The following DOK6 variants were observed in gnomAD, a reference collection of about 807,000 sequenced individuals.
DOK6 encodes docking protein 6, also known as downstream of tyrosine kinase 6.
A neutral mutation model predicts 44.0 loss-of-function variants in DOK6; 22 were observed. The observed-to-expected ratio is 0.50, with a 90% CI of 0.36 to 0.71. The LOEUF (loss-of-function observed/expected upper bound fraction) is 0.71. Ranked by LOEUF, DOK6 falls within the 30% of genes least tolerant of loss-of-function variation. The pLI, the probability that DOK6 is intolerant of heterozygous loss-of-function variation, is 0.00. For synonymous variants in DOK6, 166 were observed against 145.5 expected (o/e 1.14, Z -1.01); for missense variants, 340 against 416.4 (o/e 0.82, Z 1.60).
intron 5 of DOK6, among the ~76,000 whole-genome samples, chr18:69,704,052 G>A (rs930869762): frequency 6.6e-6 from 1 of 152,150 alleles, no homozygotes; most frequent in African/African-American, 2.4e-5. Flanking sequence ...CTGGCACCCT[G>A]ATCTCAGACT....
rs1039176643 is a variant in DOK6, at chr18:69,506,934, T to A, written c.67-57553T>A. 1.4e-4 allele frequency among the ~76,000 whole-genome samples: 21 copies of A among 152,064 alleles called. 1 individual carries two copies. Among genetic ancestry groups the A allele is most frequent in the Non-Finnish European group, 2.6e-4 (18 of 67,998 alleles). ...ACACACACATATGTATATTTAAATA[T>A]ATATATTTTTGGATTATATTGTATT... On this transcript the variant is annotated intron_variant, in intron 1 of 7. Coordinates refer to ENST00000382713, the MANE Select transcript of DOK6 (RefSeq NM_152721.6).
At chr18:69,750,816 G>A (rs1011332753) in intron 6 of DOK6, among the ~76,000 whole-genome samples, 1 of 152,140 alleles carries the variant, frequency 6.6e-6, no homozygotes, top group Non-Finnish European at 1.5e-5. Flanking sequence ...TAAGTTTATG[G>A]AATCAGCATA....
intron 3 of DOK6, chr18:69,661,619 G>T (rs1985529992): frequency 6.6e-6 from 1 of 152,202 alleles, no homozygotes. Flanking sequence ...TGTCGGGATA[G>T]CAGCTCTAAA....
chr18:69,429,646 T>TCC (rs1978747210), intron 1 of DOK6, among the ~76,000 whole-genome samples: 3 of 112,884 alleles, frequency 2.7e-5, no homozygotes, highest in African/African-American at 1.0e-4. Flanking sequence ...TATATATATA[T>TCC]ATATATATAT....
intron 7 of DOK6, among the ~76,000 whole-genome samples, chr18:69,833,624 A>G (rs997840501): frequency 1.3e-5 from 2 of 152,134 alleles, no homozygotes; most frequent in African/African-American, 4.8e-5. Flanking sequence ...AAATGAGACG[A>G]CCTAAAGAAT....
chr18:69,848,019 T>TCACACACACACACACA lies in DOK6; in HGVS notation c.*6665_*6680dup, dbSNP rs59389862. 1 of 143,620 alleles carries TCACACACACACACACA rather than the reference T, an allele frequency of 7.0e-6. No homozygotes were observed. The highest frequency in any genetic ancestry group is 2.6e-5 in the African/African-American group (1 of 38,178). The allele number at this position is 143,620 out of a possible 1,614,324, so 8.9% of individuals were successfully genotyped here. A position where few individuals can be genotyped will look rare whatever the true frequency, so the allele number is the denominator to read the frequency against. ...CCTCCACCCCAACCTTAGTGCATGCTCACACACACACACACACACACACAC... is the reference window on the plus strand; with the variant it reads ...CCTCCACCCCAACCTTAGTGCATGCTCACACACACACACACACACACACACACACACACACACACAC... On this transcript the variant is annotated 3_prime_UTR_variant, in exon 8 of 8. Transcript: ENST00000382713.
chr18:69,464,613 A>T (rs906169647), intron 1 of DOK6, among the ~76,000 whole-genome samples: 1 of 152,370 alleles, frequency 6.6e-6, no homozygotes, highest in East Asian at 1.9e-4. Flanking sequence ...AATAATCTAT[A>T]AAATATTGTG....
intron 7 of DOK6, among the ~76,000 whole-genome samples, chr18:69,818,727 G>A (rs2145121969): frequency 6.6e-6 from 1 of 152,310 alleles, no homozygotes; most frequent in South Asian, 2.1e-4. Context: ...ACCACAGCCT[G>A]TATACAGTCC....
chr18:69,732,305 A>G (rs1430327916), intron 5 of DOK6, among the ~76,000 whole-genome samples: 1 of 152,170 alleles, frequency 6.6e-6, no homozygotes, highest in African/African-American at 2.4e-5. Context: ...GGGCGAATAT[A>G]AAATCATCTG....
At chr18:69,458,605 C>T (rs1979694875) in intron 1 of DOK6, among the ~76,000 whole-genome samples, 1 of 152,080 alleles carries the variant, frequency 6.6e-6, no homozygotes, top group African/African-American at 2.4e-5. Flanking sequence ...AACTATTTCT[C>T]TTCACTATCA....
In DOK6 at chr18:69,717,435, G is replaced by A. The variant is rs73455022; in HGVS notation, c.599+18842G>A. 4.9e-3 allele frequency among the ~76,000 whole-genome samples: 748 copies of A among 152,174 alleles called. 4 individuals are homozygous for A. Among genetic ancestry groups the A allele is most frequent in the African/African-American group, 0.016 (675 of 41,524 alleles). ...TTATAAACAAAAAGTTGCTTAGAGCGCATGGGTGATTGTTTTAATGGGTTT... is the reference window on the plus strand; with the variant it reads ...TTATAAACAAAAAGTTGCTTAGAGCACATGGGTGATTGTTTTAATGGGTTT... On this transcript the variant is annotated intron_variant, in intron 5 of 7. Transcript: ENST00000382713.
At chr18:69,733,067 G>A (rs764367187) in intron 5 of DOK6, among the ~76,000 whole-genome samples, 6 of 152,160 alleles carry the variant, frequency 3.9e-5, no homozygotes, top group South Asian at 2.1e-4. Context: ...GGCAGTGTAC[G>A]CCTGTACAAA....
chr18:69,471,444 G>T (rs1599146693), intron 1 of DOK6, among the ~76,000 whole-genome samples: 1 of 151,808 alleles, frequency 6.6e-6, no homozygotes, highest in Admixed American at 6.6e-5. Flanking sequence ...CAGTATGTTT[G>T]GAAAGGTCAG....
chr18:69,700,564 C>T (rs1272234027), intron 5 of DOK6, among the ~76,000 whole-genome samples: 1 of 151,686 alleles, frequency 6.6e-6, no homozygotes, highest in Non-Finnish European at 1.5e-5. Flanking sequence ...TGTTTATTTC[C>T]TTGTCTTTGA....
rs544686973 is a variant in DOK6 at position 69,540,265 on chromosome 18, C to A, written c.67-24222C>A. ...GATGCCACCTTTATCATCATATCCT[C>A]TTTCTAGATTTTCTTTGCTTTCCTA... is the stretch of plus-strand genomic sequence containing the variant. On this transcript the variant is annotated intron_variant, in intron 1 of 7. Coordinates refer to ENST00000382713, the MANE Select transcript of DOK6 (RefSeq NM_152721.6). Among the ~76,000 whole-genome samples the A allele has an allele frequency of 5.9e-5, 9 of 152,300 alleles. No homozygotes were observed. In the South Asian group the frequency reaches 1.9e-3, roughly 32 times the overall value.
chr18:69,734,603 AC>A (rs1011840786), intron 5 of DOK6, among the ~76,000 whole-genome samples: 2 of 152,024 alleles, frequency 1.3e-5, no homozygotes, highest in African/African-American at 4.8e-5. Flanking sequence ...CTCCTACTCT[AC>A]CCCATTACTG....
At chr18:69,528,636 T>C (rs964105662) in intron 1 of DOK6, among the ~76,000 whole-genome samples, 2 of 152,250 alleles carry the variant, frequency 1.3e-5, no homozygotes, top group Non-Finnish European at 2.9e-5. Flanking sequence ...ATGTACTTAT[T>C]TAGGCTTTCT....
intron 1 of DOK6, among the ~76,000 whole-genome samples, chr18:69,489,629 CATTT>C (rs1654761581): frequency 1.3e-5 from 2 of 152,166 alleles, no homozygotes; most frequent in South Asian, 4.1e-4. Context: ...TATTTTACTT[CATTT>C]AGAGTCCTGT....
intron 1 of DOK6, among the ~76,000 whole-genome samples, chr18:69,545,432 C>T (rs1982377329): frequency 6.7e-6 from 1 of 149,090 alleles, no homozygotes; most frequent in African/African-American, 2.5e-5. Flanking sequence ...TAAATTTAAG[C>T]CATGTGTGTA....
Sources: allele counts gnomAD v4.1 joint callset (sites outside exome capture counted in the v4.1 genomes callset), GRCh38; gene constraint gnomAD v4.1.1; transcripts MANE v1.5; gene names NCBI Gene and HGNC (gene_info 2026-07-23, HGNC 2026-07-21).